The following FOXN1 variants were observed in gnomAD, a reference collection of about 807,000 sequenced individuals.
FOXN1 encodes forkhead box protein N1.
Under a neutral mutation model 49.0 loss-of-function variants are expected in FOXN1, and 15 were observed. The ratio of observed to expected loss-of-function variants is 0.31; its 90% CI spans 0.20 to 0.47. FOXN1 has a LOEUF of 0.47. Ranked by LOEUF, FOXN1 falls within the 20% of genes least tolerant of loss-of-function variation. The probability of loss-of-function intolerance (pLI) is 1.00; values close to 1 mark genes in which losing one functional copy is unlikely to be tolerated. For missense variants in FOXN1, 800 were observed against 842.8 expected (o/e 0.95, Z 0.63); for synonymous variants, 356 against 369.0 (o/e 0.96, Z 0.40).
At chr17:28,537,031 G>A in intron 8 of FOXN1, 86 bp from the exon 9 acceptor site, 3 of 1,018,856 alleles carry the variant, frequency 2.9e-6, no homozygotes, top group South Asian at 2.5e-5. Context: ...GCTCTCTGCA[G>A]CATGTGAAGA....
In FOXN1 at chr17:28,537,973, T is replaced by C. The variant is rs2070112578; in HGVS notation, c.*537T>C. ...GTCATTTTCTTTCCCAGAAGCGCCC[T>C]GTATTTATTCCCCCATCTTCATCCC... is the stretch of plus-strand genomic sequence containing the variant. On this transcript the variant is annotated 3_prime_UTR_variant, in exon 9 of 9. Transcript: ENST00000579795. 6.2e-6 allele frequency: 1 copy of C among 162,284 alleles called. No homozygotes were observed. The highest frequency in any genetic ancestry group is 1.3e-5 in the Non-Finnish European group (1 of 76,280). 10.1% of individuals were successfully genotyped at this position (162,284 alleles called of 1,614,324 possible).
chr17:28,524,692 G>C lies in FOXN1; in HGVS notation c.313G>C (p.Glu105Gln). 6.2e-7 allele frequency: 1 copy of C among 1,613,146 alleles called. No individual in the cohort carries two copies. Among genetic ancestry groups the C allele is most frequent in the Non-Finnish European group, 8.5e-7 (1 of 1,179,708 alleles). Reference protein sequence around the residue: ...PSDKYPGFGFEEAAASSPGRF... With the variant: ...PSDKYPGFGFQEAAASSPGRF... ...AGACAAGTATCCTGGCTTTGGCTTT[G>C]AGGAGGCCGCAGCAAGCAGCCCTGG... is the stretch of plus-strand genomic sequence containing the variant. Residue 105 changes from glutamate to glutamine, a missense_variant, in exon 3 of 9, where the codon GAG becomes CAG. Physicochemically the swap from Glu to Gln is conservative, Grantham distance 29. This residue lies in a region of FOXN1 where 383 missense variants were observed against 357.9 expected (regional missense o/e 1.07). Transcript: ENST00000579795.
intron 1 of FOXN1, among the ~76,000 whole-genome samples, chr17:28,517,825 C>T (rs2069555233): frequency 6.9e-6 from 1 of 144,578 alleles, no homozygotes; most frequent in African/African-American, 2.7e-5. Context: ...CACACCTCCA[C>T]AGGGTACACA....
intron 5 of FOXN1, among the ~76,000 whole-genome samples, chr17:28,530,477 G>A (rs1019239975): frequency 1.3e-5 from 2 of 152,206 alleles, no homozygotes; most frequent in African/African-American, 4.8e-5. Flanking sequence ...TCAAAGTTGA[G>A]GAAACTGAGG....
Position 28,538,658 on chromosome 17 carries a change from G to A in FOXN1, c.*1222G>A, listed in dbSNP as rs1567607345. On this transcript the variant is annotated 3_prime_UTR_variant, in exon 9 of 9. Transcript: ENST00000579795. ...CATGCAAAGCACCCCCGCTTTGACT[G>A]CTTGGCAGACCTAGGGTGCCCGGGA... is the stretch of plus-strand genomic sequence containing the variant. 6.6e-6 allele frequency: 1 copy of A among 152,238 alleles called. No individual in the cohort carries two copies. 9.4% of individuals were successfully genotyped at this position (152,238 alleles called of 1,614,324 possible). A position where few individuals can be genotyped will look rare whatever the true frequency, so the allele number is the denominator to read the frequency against.
At chr17:28,508,138 G>A (rs946135381) in intron 1 of FOXN1, among the ~76,000 whole-genome samples, 1 of 152,098 alleles carries the variant, frequency 6.6e-6, no homozygotes, top group Non-Finnish European at 1.5e-5. Context: ...CTGTTCTCCC[G>A]GGAATGCCAG....
At position 28,537,563 on chromosome 17, in the gene FOXN1, C is replaced by T. The variant is rs958624674; in HGVS notation, c.*127C>T. On this transcript the variant is annotated 3_prime_UTR_variant, in exon 9 of 9. Coordinates refer to ENST00000579795, the MANE Select transcript of FOXN1 (RefSeq NM_001369369.1). ...CCTGTCCCCTATGCCACTAAGCCAA[C>T]GTGTGTGTCAGCTGGTAGCTGGGGG... 23 of 758,202 alleles carry T rather than the reference C, an allele frequency of 3.0e-5. No individual in the cohort carries two copies. Among genetic ancestry groups the T allele is most frequent in the African/African-American group, 1.2e-4 (7 of 58,120 alleles). The allele number at this position is 758,202 out of a possible 1,614,324, so 47.0% of individuals were successfully genotyped here. A position where few individuals can be genotyped will look rare whatever the true frequency, so the allele number is the denominator to read the frequency against.
chr17:28,537,355 G>T lies in FOXN1; in HGVS notation c.1866G>T (p.Glu622Asp), dbSNP rs774031845. The T allele has an allele frequency of 8.1e-6, 13 of 1,612,928 alleles. No homozygotes were observed. Among genetic ancestry groups the T allele is most frequent in the African/African-American group, 1.3e-5 (1 of 74,872 alleles). The change falls in exon 9 of 9, where the codon GAG (glutamate) becomes GAT (aspartate). Residue 622 changes from glutamate to aspartate, a missense_variant. Physicochemically the swap from Glu to Asp is conservative, Grantham distance 45. Transcript: ENST00000579795. The stretch of plus-strand genomic sequence containing the variant: ...CCACCCTCTACTCTGCCTTTATGGA[G>T]CTGGAGCCCACGCCCCCCACGGCCC... Reference protein sequence around the residue: ...HLTTLYSAFMELEPTPPTAPA... With the variant: ...HLTTLYSAFMDLEPTPPTAPA...
At chr17:28,519,460 G>T (rs1363712576) in intron 1 of FOXN1, among the ~76,000 whole-genome samples, 1 of 152,194 alleles carries the variant, frequency 6.6e-6, no homozygotes, top group Non-Finnish European at 1.5e-5. Flanking sequence ...GTTGTGGGTT[G>T]TGGGTACCCA....
At chr17:28,520,210 G>A (rs994554788) in intron 1 of FOXN1, among the ~76,000 whole-genome samples, 3 of 152,128 alleles carry the variant, frequency 2.0e-5, no homozygotes, top group South Asian at 2.1e-4. Flanking sequence ...GGGTTCTGCC[G>A]GCTACTCCAG....
intron 1 of FOXN1, among the ~76,000 whole-genome samples, chr17:28,511,517 C>T (rs2069396250): frequency 6.6e-6 from 1 of 152,124 alleles, no homozygotes; most frequent in Non-Finnish European, 1.5e-5. Flanking sequence ...AAAGATCTCA[C>T]TCAGCCCCAT....
chr17:28,524,877 G>A lies in FOXN1; in HGVS notation c.498G>A (p.Ala166=), dbSNP rs1428768948. The change falls in exon 3 of 9, where the codon GCG becomes GCA. Residue 166 remains alanine (A), a synonymous_variant. Coordinates refer to ENST00000579795, the MANE Select transcript of FOXN1 (RefSeq NM_001369369.1). ...EAFEEIPVDV[A]EAEAFLPGFS... ...TCGAGGAGATCCCAGTGGACGTGGC[G>A]GAGGCCGAGGCCTTCCTGCCTGGCT... The A allele has an allele frequency of 8.7e-6, 14 of 1,613,612 alleles. No individual in the cohort carries two copies. The highest frequency in any genetic ancestry group is 2.2e-5 in the East Asian group (1 of 44,862).
chr17:28,531,546 G>T (rs941706474), intron 6 of FOXN1, among the ~76,000 whole-genome samples: 2 of 152,136 alleles, frequency 1.3e-5, no homozygotes, highest in African/African-American at 2.4e-5. Context: ...CCCTAAGGTC[G>T]CACAGTAGAT....
At chr17:28,517,178 G>A (rs1167902932) in intron 1 of FOXN1, among the ~76,000 whole-genome samples, 3 of 104,472 alleles carry the variant, frequency 2.9e-5, no homozygotes, top group African/African-American at 1.1e-4. Flanking sequence ...CCTCCACAGG[G>A]TACACACCTC....
intron 3 of FOXN1, among the ~76,000 whole-genome samples, chr17:28,525,785 A>T (rs532434117): frequency 5.9e-5 from 9 of 152,068 alleles, no homozygotes; most frequent in Non-Finnish European, 1.2e-4. Flanking sequence ...AAAGGCTTAG[A>T]AGGAAGATGG....
At chr17:28,523,919 C>G (rs1212987766) in intron 1 of FOXN1, 37 bp from the exon 2 acceptor site, 14 of 1,612,216 alleles carry the variant, frequency 8.7e-6, no homozygotes, top group African/African-American at 1.3e-5. Flanking sequence ...CCACTGGATG[C>G]TGGTCCTCAC....
chr17:28,517,780 C>A (rs375477027), intron 1 of FOXN1, among the ~76,000 whole-genome samples: 1 of 113,076 alleles, frequency 8.8e-6, no homozygotes, highest in African/African-American at 3.5e-5. Flanking sequence ...TCCACAGGAT[C>A]CATACCTCCA....
intron 5 of FOXN1, among the ~76,000 whole-genome samples, chr17:28,530,452 A>G (rs2069883357): frequency 6.6e-6 from 1 of 152,200 alleles, no homozygotes; most frequent in African/African-American, 2.4e-5. Context: ...TGAGGTAGCT[A>G]TTACTTTCTT....
In FOXN1 at chr17:28,534,007, T is replaced by C. The variant is rs2069985005; in HGVS notation, c.928-324T>C. On this transcript the variant is annotated intron_variant, in intron 6 of 8. Transcript: ENST00000579795. The surrounding 1 kb of genome is among the most constrained non-coding windows in gnomAD (Gnocchi z 4.1). ...GGCTCAGCTTCAGATGGGAGAGTGT[T>C]GTGGGTCAGAAGGCCTCTGTAGCGC... Among the ~76,000 whole-genome samples, 1 of 152,072 alleles carries C rather than the reference T, an allele frequency of 6.6e-6. No individual in the cohort carries two copies. The highest frequency in any genetic ancestry group is 1.5e-5 in the Non-Finnish European group (1 of 68,024).
Sources: allele counts gnomAD v4.1 joint callset (sites outside exome capture counted in the v4.1 genomes callset), GRCh38; gene constraint gnomAD v4.1.1; regional missense constraint gnomAD v4.1.1; non-coding constraint Gnocchi (gnomAD v3.1); transcripts MANE v1.5; gene names NCBI Gene and HGNC (gene_info 2026-07-23, HGNC 2026-07-21).